Variants in GDF1 observed in about 807,000 individuals in gnomAD.
The protein encoded by GDF1 is growth differentiation factor 1.
A neutral mutation model predicts 7.4 loss-of-function variants in GDF1; 8 were observed. The observed-to-expected ratio is 1.09, with a 90% CI of 0.64 to 1.96. The LOEUF (loss-of-function observed/expected upper bound fraction) is 1.96, where lower values mean the gene tolerates loss of function less well. Among genes scored for constraint, GDF1 ranks in the 30% most tolerant of loss-of-function variants. GDF1 has a pLI of 0.00. For missense variants in GDF1, 574 were observed against 551.5 expected (o/e 1.04, Z -0.41); for synonymous variants, 311 against 276.7 (o/e 1.12, Z -1.23).
intron 4 of GDF1, 136 bp downstream of exon 4, chr19:18,880,138 G>A: frequency 1.2e-6 from 1 of 805,124 alleles, no homozygotes; most frequent in Non-Finnish European, 1.8e-6. Context: ...CAAATCATGA[G>A]GCCCCTCCCC....
At chr19:18,874,577 C>A (rs920612320) in intron 6 of GDF1, among the ~76,000 whole-genome samples, 1 of 152,234 alleles carries the variant, frequency 6.6e-6, no homozygotes, top group Non-Finnish European at 1.5e-5. Flanking sequence ...GTGAGAGTGT[C>A]TCAACGGATG....
Position 18,873,528 on chromosome 19 carries a change from C to G in GDF1, c.-312-2909G>C, listed in dbSNP as rs1357568549. Among the ~76,000 whole-genome samples, 14 of 151,970 alleles carry G rather than the reference C, an allele frequency of 9.2e-5. No homozygotes were observed. The East Asian group carries it at 2.7e-3, about 30-fold the overall frequency. ...CCTGGGCAACACAGTGAGACCCCAT[C>G]TCTACAAAAATTTTAAAAATTAGCC... On this transcript the variant is annotated intron_variant, in intron 6 of 7. Transcript: ENST00000247005.
intron 6 of GDF1, among the ~76,000 whole-genome samples, chr19:18,872,348 CTTGTT>C (rs1213521892): frequency 1.3e-5 from 2 of 152,040 alleles, no homozygotes; most frequent in East Asian, 1.9e-4. Context: ...ATCTTTTTTT[CTTGTT>C]TTGTTTTTTT....
chr19:18,890,637 T>C (rs977399259), intron 2 of GDF1, among the ~76,000 whole-genome samples: 6 of 150,024 alleles, frequency 4.0e-5, no homozygotes, highest in African/African-American at 1.5e-4. Context: ...AAAAATTCGC[T>C]GGGGGTGGTG....
chr19:18,889,008 C>T (rs1236769463), intron 2 of GDF1, among the ~76,000 whole-genome samples: 1 of 150,674 alleles, frequency 6.6e-6, no homozygotes, highest in Non-Finnish European at 1.5e-5. Context: ...TCTCTTGCCT[C>T]AGCCTGCCGA....
At position 18,895,809 on chromosome 19, in the gene GDF1, C is replaced by A; in HGVS notation, c.-1074+15G>T. The A allele has an allele frequency of 8.1e-7, 1 of 1,236,236 alleles. No individual in the cohort carries two copies. Among genetic ancestry groups the A allele is most frequent in the Non-Finnish European group, 1.0e-6 (1 of 982,666 alleles). 76.6% of individuals were successfully genotyped at this position (1,236,236 alleles called of 1,614,324 possible). A position where few individuals can be genotyped will look rare whatever the true frequency, so the allele number is the denominator to read the frequency against. On this transcript the variant is annotated intron_variant, in intron 1 of 7. Coordinates refer to ENST00000247005, the MANE Select transcript of GDF1 (RefSeq NM_001492.6). This position sits in a 1 kb window ranked among gnomAD's most constrained non-coding sequence, Gnocchi z 6.4. ...AGTCCGGGGTCCCCTCGTCCCGGCC[C>A]CCGGCCACACTGACCCGAAAGAGGC...
intron 6 of GDF1, among the ~76,000 whole-genome samples, chr19:18,871,928 G>C (rs1206054581): frequency 6.6e-6 from 1 of 152,200 alleles, no homozygotes; most frequent in African/African-American, 2.4e-5. Flanking sequence ...GATGACTCCA[G>C]GGATTCCATT....
At chr19:18,879,083 C>A (rs377420924) in intron 5 of GDF1, 44 bp from the exon 6 acceptor site, 14 of 1,603,662 alleles carry the variant, frequency 8.7e-6, no homozygotes, top group Non-Finnish European at 1.2e-5. Flanking sequence ...AAAGCCCCCA[C>A]GCCACTGCCC....
chr19:18,882,589 G>A (rs537763552), intron 3 of GDF1, among the ~76,000 whole-genome samples: 5 of 151,850 alleles, frequency 3.3e-5, no homozygotes, highest in East Asian at 2.0e-4. Flanking sequence ...GTAAGCCAAT[G>A]TCATGGCACT....
intron 6 of GDF1, among the ~76,000 whole-genome samples, chr19:18,875,221 G>A (rs1462222562): frequency 6.6e-6 from 1 of 150,934 alleles, no homozygotes; most frequent in Non-Finnish European, 1.5e-5. Context: ...GGGCGACAGA[G>A]TGGGACCGTC....
chr19:18,869,371 C>T lies in GDF1; in HGVS notation c.345G>A (p.Ser115=), dbSNP rs771475316. ...IPDRGAPTRA[S]EPASAAGHCP... ...AATGCCCCGCGGCCGAGGCAGGCTC[C>T]GAGGCCCGGGTGGGCGCACCTGGGG... The change falls in exon 8 of 8, where the codon TCG becomes TCA. Residue 115 remains serine, a synonymous_variant. Transcript: ENST00000247005. 80 of 1,529,956 alleles carry T rather than the reference C, an allele frequency of 5.2e-5. No individual in the cohort carries two copies. In the Middle Eastern group the frequency reaches 1.8e-3, roughly 35 times the overall value. The allele number at this position is 1,529,956 out of a possible 1,614,324, so 94.8% of individuals were successfully genotyped here. A position where few individuals can be genotyped will look rare whatever the true frequency, so the allele number is the denominator to read the frequency against.
In GDF1 at chr19:18,870,146, C is replaced by G; in HGVS notation, c.162G>C (p.Arg54Ser). The stretch of plus-strand genomic sequence containing the variant: ...ACATGACCGGGGGAACCGGCCGGAG[C>G]CTGGGGGCACCCTGGGGCTCATCGC... ...GLRDEPQGAP[R>S]LRPVPPVMWR... The change falls in exon 7 of 8, where the codon AGG (arginine) becomes AGC (serine). Residue 54 changes from arginine to serine, a missense_variant. Coordinates refer to ENST00000247005, the MANE Select transcript of GDF1 (RefSeq NM_001492.6). This position sits in a 1 kb window ranked among gnomAD's most constrained non-coding sequence, Gnocchi z 5.1. The G allele has an allele frequency of 6.4e-7, 1 of 1,562,692 alleles. No homozygotes were observed. The highest frequency in any genetic ancestry group is 2.3e-5 in the East Asian group (1 of 43,674).
At chr19:18,882,913 G>T (rs1466352640) in intron 3 of GDF1, among the ~76,000 whole-genome samples, 2 of 151,976 alleles carry the variant, frequency 1.3e-5, no homozygotes, top group Admixed American at 6.6e-5. Flanking sequence ...GGATGGTCTC[G>T]ATCTCCTGAC....
In GDF1 at chr19:18,869,345, C is replaced by T. The variant is rs1057524707; in HGVS notation, c.371G>A (p.Cys124Tyr). 6 of 1,531,716 alleles carry T rather than the reference C, an allele frequency of 3.9e-6. No individual in the cohort carries two copies. Among genetic ancestry groups the T allele is most frequent in the Non-Finnish European group, 5.2e-6 (6 of 1,146,414 alleles). 94.9% of individuals were successfully genotyped at this position (1,531,716 alleles called of 1,614,324 possible). The change falls in exon 8 of 8, where the codon TGC becomes TAC. Residue 124 changes from cysteine (C) to tyrosine (Y), a missense_variant. Coordinates refer to ENST00000247005, the MANE Select transcript of GDF1 (RefSeq NM_001492.6). ...GTCGAAGACGACTGTCCACTCAGGG[C>T]AATGCCCCGCGGCCGAGGCAGGCTC... is the stretch of plus-strand genomic sequence containing the variant. Reference protein sequence around the residue: ...ASEPASAAGHCPEWTVVFDLS... With the variant: ...ASEPASAAGHYPEWTVVFDLS...
chr19:18,869,485 C>A, intron 7 of GDF1, 95 bp from the exon 8 acceptor site: 2 of 1,402,976 alleles, frequency 1.4e-6, no homozygotes, highest in Non-Finnish European at 1.9e-6. Context: ...AACGCTGGGG[C>A]TCGGGGCGCA....
intron 6 of GDF1, among the ~76,000 whole-genome samples, chr19:18,876,050 C>T (rs1213416432): frequency 6.6e-6 from 1 of 152,094 alleles, no homozygotes. Context: ...CATTCAATGC[C>T]TTTTTTTCAC....
chr19:18,879,661 C>G (rs568196835), intron 4 of GDF1, among the ~76,000 whole-genome samples: 1 of 147,386 alleles, frequency 6.8e-6, no homozygotes, highest in Admixed American at 6.7e-5. Flanking sequence ...CCCAGTCCCT[C>G]CCCTTCTCTG....
chr19:18,882,353 C>A (rs1184665382), intron 3 of GDF1, among the ~76,000 whole-genome samples: 1 of 151,960 alleles, frequency 6.6e-6, no homozygotes, highest in Non-Finnish European at 1.5e-5. Context: ...TTTAAACTAA[C>A]CAGACGTGGT....
chr19:18,885,511 GTTTTTTTTTT>G (rs59793456), intron 2 of GDF1, among the ~76,000 whole-genome samples: 1 of 22,122 alleles, frequency 4.5e-5, no homozygotes, highest in African/African-American at 1.1e-4. Flanking sequence ...GCCCCTTCTC[GTTTTTTTTTT>G]TTTTTTTTTT....
Sources: gnomAD v4.1 joint callset for allele counts (sites outside exome capture counted in the v4.1 genomes callset) on GRCh38, gnomAD v4.1.1 for gene constraint, Gnocchi (gnomAD v3.1) non-coding constraint, MANE v1.5 for transcripts, NCBI Gene and HGNC (gene_info 2026-07-23, HGNC 2026-07-21) for gene names.